Variants in EXOC2 observed in about 807,000 individuals in gnomAD.
The protein encoded by EXOC2 is SEC5-like 1.
A neutral mutation model predicts 131.8 loss-of-function variants in EXOC2; 70 were observed. The ratio of observed to expected loss-of-function variants is 0.53; its 90% CI spans 0.44 to 0.65. The LOEUF is 0.65. Among genes scored for constraint, EXOC2 ranks in the 30% least tolerant of loss-of-function variants. The pLI is 0.00. For synonymous variants in EXOC2, 411 were observed against 398.4 expected, an observed-to-expected ratio of 1.03 and a Z score of -0.38; for missense variants, 923 against 1,108.6, an observed-to-expected ratio of 0.83 and a Z score of 2.38.
At chr6:581,973 A>T (rs1231406038) in intron 11 of EXOC2, among the ~76,000 whole-genome samples, 1 of 152,244 alleles carries the variant, frequency 6.6e-6, no homozygotes, top group East Asian at 1.9e-4. Context: ...AGAGAAAAAC[A>T]GTTGGAAAAT....
chr6:612,429 C>T (rs144621304), intron 6 of EXOC2, among the ~76,000 whole-genome samples: 175 of 152,308 alleles, frequency 1.1e-3, no homozygotes, highest in African/African-American at 3.9e-3. Flanking sequence ...GCCCTTCAAA[C>T]ATTTAGTTTC....
Position 597,423 on chromosome 6 carries a change from C to T in EXOC2, c.1073+598G>A, listed in dbSNP as rs553343203. On this transcript the variant is annotated intron_variant, in intron 10 of 27. Coordinates refer to ENST00000230449, the MANE Select transcript of EXOC2 (RefSeq NM_018303.6). ...AACTCCTGACCTAGTGATCCGCCCGCCTCAGCCTCCCAAAGTGCTGTGCTG... is the reference window on the plus strand; with the variant it reads ...AACTCCTGACCTAGTGATCCGCCCGTCTCAGCCTCCCAAAGTGCTGTGCTG... 2.0e-5 allele frequency among the ~76,000 whole-genome samples: 3 copies of T among 152,306 alleles called. No individual in the cohort carries two copies. The South Asian group carries it at 6.2e-4, about 32-fold the overall frequency.
chr6:545,017 G>A (rs1436568974), intron 22 of EXOC2, among the ~76,000 whole-genome samples: 1 of 151,194 alleles, frequency 6.6e-6, no homozygotes, highest in African/African-American at 2.4e-5. Flanking sequence ...CGCAGTGGCG[G>A]GTGCCTGTAG....
At chr6:596,408 C>T (rs72835954) in intron 10 of EXOC2, among the ~76,000 whole-genome samples, 103 of 151,954 alleles carry the variant, frequency 6.8e-4, no homozygotes, top group Admixed American at 1.2e-3. Context: ...CTTGCTGTCA[C>T]CCAGGCTCGA....
intron 23 of EXOC2, among the ~76,000 whole-genome samples, chr6:523,653 G>C (rs1215711860): frequency 6.6e-6 from 1 of 152,250 alleles, no homozygotes; most frequent in Non-Finnish European, 1.5e-5. Context: ...GTTTATTTTG[G>C]CAGGTGCCAA....
Position 507,294 on chromosome 6 carries a change from TAC to T in EXOC2, c.2381-7596_2381-7595del, listed in dbSNP as rs70982901. ...CTACACACACACACACAGCAGTGAC[TAC>T]ACACACACACACACACACACACAAA... On this transcript the variant is annotated intron_variant, in intron 23 of 27. Coordinates refer to ENST00000230449, the MANE Select transcript of EXOC2 (RefSeq NM_018303.6). Among the ~76,000 whole-genome samples, 580 of 71,464 alleles carry T rather than the reference TAC, an allele frequency of 8.1e-3. 4 individuals are homozygous for T. Among genetic ancestry groups the T allele is most frequent in the East Asian group, 0.031 (69 of 2,206 alleles). 46.9% of individuals were successfully genotyped at this position (71,464 alleles called of 152,430 possible). A position where few individuals can be genotyped will look rare whatever the true frequency, so the allele number is the denominator to read the frequency against.
rs990061275 is a variant in EXOC2 at position 637,871 on chromosome 6, G to C, written c.-43-10C>G. On this transcript the variant is annotated splice_polypyrimidine_tract_variant and intron_variant, in intron 1 of 27. Coordinates refer to ENST00000230449, the MANE Select transcript of EXOC2 (RefSeq NM_018303.6). ...CTGTTAGAGAAGTAATCTGTTAAAA[G>C]AGAAAGAAAAAAGGATTAGTACCAA... 2.6e-6 allele frequency: 4 copies of C among 1,545,002 alleles called. No individual in the cohort carries two copies. The African/African-American group carries it at 5.5e-5, about 21-fold the overall frequency.
intron 1 of EXOC2, among the ~76,000 whole-genome samples, chr6:658,666 T>TATATTTTATATATATATATATATATATA (rs1554146211): frequency 3.0e-5 from 2 of 65,930 alleles, no homozygotes; most frequent in African/African-American, 9.2e-5. Context: ...TATATATATA[T>TATATTTTATATATATATATATATATATA]TTTTTTTTTT....
At chr6:682,774 G>C (rs1289107819) in intron 1 of EXOC2, among the ~76,000 whole-genome samples, 1 of 152,172 alleles carries the variant, frequency 6.6e-6, no homozygotes, top group African/African-American at 2.4e-5. Context: ...TTTTCTCCGG[G>C]TGTGATGAAA....
chr6:657,000 C>A, intron 1 of EXOC2: 2 of 1,392,728 alleles, frequency 1.4e-6, no homozygotes, highest in Non-Finnish European at 1.9e-6. Context: ...GTGCCACAAG[C>A]CCTTCCGGTC....
At position 615,682 on chromosome 6, in the gene EXOC2, C is replaced by T. The variant is rs191813447; in HGVS notation, c.661+2029G>A. On this transcript the variant is annotated intron_variant, in intron 6 of 27. Transcript: ENST00000230449. ...TTGCAGTAAGCTGAAATCGCACCAC[C>T]GCACTCCAGCCTGGGCAACAGAGTG... Among the ~76,000 whole-genome samples the T allele has an allele frequency of 1.1e-3, 168 of 148,472 alleles. 1 individual carries two copies. The highest frequency in any genetic ancestry group is 3.9e-3 in the African/African-American group (158 of 40,022).
chr6:491,776 T>TA (rs1285999529), intron 25 of EXOC2, among the ~76,000 whole-genome samples: 1 of 152,216 alleles, frequency 6.6e-6, no homozygotes, highest in Non-Finnish European at 1.5e-5. Context: ...AAAACAATCT[T>TA]AGAGTAACAC....
chr6:597,890 C>CT (rs1367422331), intron 10 of EXOC2, 131 bp downstream of exon 10: 14 of 615,768 alleles, frequency 2.3e-5, no homozygotes, highest in African/African-American at 2.3e-4. Flanking sequence ...CCCTAAATTT[C>CT]TGCTATTTGT....
intron 21 of EXOC2, among the ~76,000 whole-genome samples, chr6:551,196 T>C (rs1345680296): frequency 6.6e-6 from 1 of 152,180 alleles, no homozygotes; most frequent in Non-Finnish European, 1.5e-5. Flanking sequence ...CTTAGATTAT[T>C]TCAGTGATCC....
At chr6:491,344 G>C (rs986888178) in intron 25 of EXOC2, among the ~76,000 whole-genome samples, 158 bp from the exon 26 acceptor site, 15 of 152,372 alleles carry the variant, frequency 9.8e-5, no homozygotes, top group East Asian at 1.9e-4. Context: ...TTCTAAAACA[G>C]TCCGAAGAAA....
rs527341906 is a variant in EXOC2, at chr6:605,620, T to G, written c.742+4478A>C. Among the ~76,000 whole-genome samples the G allele has an allele frequency of 1.1e-4, 17 of 152,350 alleles. No individual in the cohort carries two copies. In the South Asian group the frequency reaches 2.3e-3, roughly 20 times the overall value. On this transcript the variant is annotated intron_variant, in intron 7 of 27. Coordinates refer to ENST00000230449, the MANE Select transcript of EXOC2 (RefSeq NM_018303.6). ...TCTTCTTTATTAGTCTTGCTAGCGG[T>G]TTATCAAGTTTGCTGATCTTTTCAA...
intron 1 of EXOC2, chr6:656,423 G>T: frequency 6.2e-7 from 1 of 1,613,922 alleles, no homozygotes; most frequent in Non-Finnish European, 8.5e-7. Context: ...GACTGCCCAC[G>T]TTCGCCATCC....
At chr6:494,936 T>C (rs1763626334) in intron 25 of EXOC2, among the ~76,000 whole-genome samples, 1 of 152,192 alleles carries the variant, frequency 6.6e-6, no homozygotes, top group Admixed American at 6.5e-5. Context: ...CTGGATGCAG[T>C]AGCACGATCA....
At chr6:535,552 C>A (rs1766387921) in intron 22 of EXOC2, among the ~76,000 whole-genome samples, 1 of 152,108 alleles carries the variant, frequency 6.6e-6, no homozygotes, top group South Asian at 2.1e-4. Flanking sequence ...CAGTTTTATG[C>A]CATCAAGTCT....
Sources: gnomAD v4.1 joint callset for allele counts (sites outside exome capture counted in the v4.1 genomes callset) on GRCh38, gnomAD v4.1.1 for gene constraint, MANE v1.5 for transcripts, NCBI Gene and HGNC (gene_info 2026-07-23, HGNC 2026-07-21) for gene names.